The following NCF2 variants were observed in gnomAD, a reference collection of about 807,000 sequenced individuals.
NCF2 encodes neutrophil cytosolic factor 2, also known as neutrophil cytosol factor 2.
A neutral mutation model predicts 70.9 loss-of-function variants in NCF2; 45 were observed. That is an observed-to-expected ratio of 0.63 (90% CI 0.50 to 0.81). The LOEUF is 0.81. Among genes scored for constraint, NCF2 ranks in the 40% least tolerant of loss-of-function variants. NCF2 has a pLI of 0.00. For missense variants in NCF2, 522 were observed against 631.6 expected (o/e 0.83, Z 1.86); for synonymous variants, 203 against 233.6 (o/e 0.87, Z 1.19).
chr1:183,573,683 A>T (rs538180809), intron 4 of NCF2, among the ~76,000 whole-genome samples: 1 of 152,348 alleles, frequency 6.6e-6, no homozygotes, highest in African/African-American at 2.4e-5. Flanking sequence ...GGATAGACAT[A>T]TAAAGACTGG....
chr1:183,573,371 A>T, intron 4 of NCF2, 79 bp from the exon 5 acceptor site: 1 of 1,250,304 alleles, frequency 8.0e-7, no homozygotes, highest in Non-Finnish European at 1.2e-6. Flanking sequence ...CAGTGAATAG[A>T]TGCAAGAATT....
intron 9 of NCF2, among the ~76,000 whole-genome samples, chr1:183,566,388 G>A (rs1291713194): frequency 2.6e-5 from 4 of 152,174 alleles, no homozygotes; most frequent in African/African-American, 9.7e-5. Context: ...CTGATTCAAA[G>A]CTCTAAGGCA....
At chr1:183,560,566 A>G (rs931665757) in intron 13 of NCF2, among the ~76,000 whole-genome samples, 7 of 152,126 alleles carry the variant, frequency 4.6e-5, no homozygotes, top group African/African-American at 1.7e-4. Flanking sequence ...TCCACCTCAG[A>G]TCGTCAGGCA....
At chr1:183,601,178 C>A in the NCF2 span, among the ~76,000 whole-genome samples, 4 of 152,296 alleles carry the variant, frequency 2.6e-5, no homozygotes, top group East Asian at 7.7e-4. Flanking sequence ...CAAATGCAGA[C>A]CCTCTGTCCC....
At chr1:183,566,568 AC>A (rs1446875978) in intron 9 of NCF2, among the ~76,000 whole-genome samples, 4 of 152,286 alleles carry the variant, frequency 2.6e-5, no homozygotes, top group African/African-American at 9.6e-5. Context: ...ATGGCATTGT[AC>A]CAGCCAACAC....
chr1:183,576,373 G>T (rs181462025), intron 3 of NCF2, among the ~76,000 whole-genome samples: 99 of 152,292 alleles, frequency 6.5e-4, no homozygotes, highest in African/African-American at 2.2e-3. Flanking sequence ...AGAGCCACTT[G>T]TCCCCCAACT....
intron 2 of NCF2, among the ~76,000 whole-genome samples, chr1:183,581,715 C>G (rs560729507): frequency 6.6e-6 from 1 of 151,660 alleles, no homozygotes; most frequent in South Asian, 2.1e-4. Context: ...GTTGCCCTGG[C>G]TGGAGTGCAG....
Position 183,565,778 on chromosome 1 carries a change from T to A in NCF2, c.926A>T (p.Glu309Val). 6.2e-7 allele frequency: 1 copy of A among 1,613,670 alleles called. No homozygotes were observed. Among genetic ancestry groups the A allele is most frequent in the Non-Finnish European group, 8.5e-7 (1 of 1,179,998 alleles). ...LRIHPQQQPQ[E>V]ESSPQSDIPA... ...GATGTCGGACTGCGGAGAGCTTTCC[T>A]CCTGAAGGCAACAGGGAGCGACGGT... Residue 309 changes from glutamate to valine, a missense_variant and splice_region_variant, in exon 10 of 15, where the codon GAG (glutamate) becomes GTG (valine). Transcript: ENST00000367535.
chr1:183,576,388 A>G (rs1329085122), intron 3 of NCF2, among the ~76,000 whole-genome samples: 4 of 152,098 alleles, frequency 2.6e-5, no homozygotes, highest in Non-Finnish European at 1.5e-5. Flanking sequence ...CCAACTTTCT[A>G]ATCTGTATAA....
In NCF2 at chr1:183,556,316, C is replaced by T. The variant is rs1018403917; in HGVS notation, c.1469-86G>A. 4.5e-5 allele frequency: 56 copies of T among 1,252,572 alleles called. 3 individuals carry two copies. In the South Asian group the frequency reaches 5.1e-4, roughly 11 times the overall value. 77.6% of individuals were successfully genotyped at this position (1,252,572 alleles called of 1,614,324 possible). On this transcript the variant is annotated intron_variant, in intron 14 of 14. Transcript: ENST00000367535. ...GGCTATTCCACACAGAATTTGTTATCTGTCACCCTTCCCCACCCCTAATTG... is the reference window on the plus strand; with the variant it reads ...GGCTATTCCACACAGAATTTGTTATTTGTCACCCTTCCCCACCCCTAATTG...
chr1:183,581,707 T>G (rs551846553), intron 2 of NCF2, among the ~76,000 whole-genome samples: 1 of 151,618 alleles, frequency 6.6e-6, no homozygotes, highest in Non-Finnish European at 1.5e-5. Context: ...CTCGCTCTGT[T>G]GCCCTGGCTG....
chr1:183,564,076 A>G (rs1672199967), intron 10 of NCF2, 46 bp from the exon 11 acceptor site: 1 of 1,579,836 alleles, frequency 6.3e-7, no homozygotes, highest in South Asian at 1.1e-5. Flanking sequence ...ATGGTGAATG[A>G]ACATCCTTGG....
intron 5 of NCF2, among the ~76,000 whole-genome samples, chr1:183,571,150 CTCTGTTACCCAG>C (rs1337381014): frequency 1.4e-5 from 2 of 140,552 alleles, no homozygotes; most frequent in African/African-American, 5.3e-5. Context: ...CGGAGTCACG[CTCTGTTACCCAG>C]ACTGGAGTGC....
chr1:183,581,717 G>T (rs886868330), intron 2 of NCF2, among the ~76,000 whole-genome samples: 4 of 151,488 alleles, frequency 2.6e-5, no homozygotes, highest in Non-Finnish European at 5.9e-5. Flanking sequence ...TGCCCTGGCT[G>T]GAGTGCAGTG....
intron 1 of NCF2, among the ~76,000 whole-genome samples, chr1:183,588,274 A>T (rs1251134105): frequency 2.6e-5 from 4 of 152,228 alleles, no homozygotes; most frequent in Non-Finnish European, 4.4e-5. Flanking sequence ...GCTCTGTGGA[A>T]GATAAAAAAG....
chr1:183,559,372 A>G (rs1006660303), intron 14 of NCF2, among the ~76,000 whole-genome samples: 2 of 152,188 alleles, frequency 1.3e-5, no homozygotes, highest in African/African-American at 4.8e-5. Context: ...GAGACACAGG[A>G]TAGTTCTGAA....
At chr1:183,574,039 G>C (rs971459573) in intron 4 of NCF2, among the ~76,000 whole-genome samples, 3 of 152,242 alleles carry the variant, frequency 2.0e-5, no homozygotes, top group African/African-American at 7.2e-5. Context: ...GCAGTGAGCT[G>C]AGATCACACC....
At chr1:183,597,278 G>A in the NCF2 span, among the ~76,000 whole-genome samples, 2 of 152,084 alleles carry the variant, frequency 1.3e-5, no homozygotes. Context: ...TTTTCTTTAG[G>A]AAGATTCCTG....
chr1:183,571,256 T>G (rs962219836), intron 5 of NCF2, among the ~76,000 whole-genome samples: 2 of 151,536 alleles, frequency 1.3e-5, no homozygotes, highest in Non-Finnish European at 3.0e-5. Flanking sequence ...TAGCTGATAT[T>G]ACAGGCACCC....
Sources: allele counts gnomAD v4.1 joint callset (sites outside exome capture counted in the v4.1 genomes callset), GRCh38; gene constraint gnomAD v4.1.1; transcripts MANE v1.5; gene names NCBI Gene and HGNC (gene_info 2026-07-23, HGNC 2026-07-21).